The following SUGCT variants were observed in gnomAD, a reference collection of about 807,000 sequenced individuals.
The protein encoded by SUGCT is succinyl-CoA:glutarate-CoA transferase, also known as succinyl-CoA:glutarate CoA-transferase.
SUGCT carries 41 observed loss-of-function variants against 55.0 expected under a neutral mutation model. The ratio of observed to expected loss-of-function variants is 0.74; its 90% CI spans 0.58 to 0.97. The LOEUF is 0.97. Among genes scored for constraint, SUGCT ranks in the 50% least tolerant of loss-of-function variants. The pLI is 0.00. For synonymous variants in SUGCT, 187 were observed against 200.4 expected (o/e 0.93, Z 0.56); for missense variants, 568 against 547.8 (o/e 1.04, Z -0.37).
At chr7:40,333,766 T>TC (rs1357912639) in intron 9 of SUGCT, among the ~76,000 whole-genome samples, 1 of 145,662 alleles carries the variant, frequency 6.9e-6, no homozygotes, top group Admixed American at 6.9e-5. Flanking sequence ...GGCTCTTTTT[T>TC]TTTAAATTTA....
At chr7:40,194,887 C>G (rs1005607282) in intron 5 of SUGCT, 53 bp from the exon 6 acceptor site, 1 of 1,567,280 alleles carries the variant, frequency 6.4e-7, no homozygotes, top group African/African-American at 1.4e-5. Flanking sequence ...AAAATTCTAT[C>G]ATGTGGGGAT....
the SUGCT span, among the ~76,000 whole-genome samples, chr7:40,948,557 C>T: frequency 6.7e-6 from 1 of 148,586 alleles, no homozygotes; most frequent in African/African-American, 2.5e-5. Flanking sequence ...CTGCATCCAT[C>T]AACCCGTCAT....
chr7:40,212,093 T>G (rs780867423), intron 6 of SUGCT, among the ~76,000 whole-genome samples: 11 of 146,322 alleles, frequency 7.5e-5, no homozygotes, highest in Non-Finnish European at 1.5e-4. Flanking sequence ...AGTAATTCTG[T>G]TTTTTTTTTA....
intron 12 of SUGCT, among the ~76,000 whole-genome samples, chr7:40,579,677 A>G (rs1168736018): frequency 6.6e-6 from 1 of 152,162 alleles, no homozygotes; most frequent in African/African-American, 2.4e-5. Context: ...TAGTCAGGAG[A>G]CAGTGTAATG....
In SUGCT at chr7:40,699,842, AGCG is replaced by A. The variant is rs1479419865; in HGVS notation, c.1090-49591_1090-49589del. On this transcript the variant is annotated intron_variant, in intron 12 of 13. Transcript: ENST00000335693. ...CACTACACTCCAGCCTGGGTGACAG[AGCG>A]AGACTCCATCTCAAAAAAATAAAAT... Among the ~76,000 whole-genome samples, 3 of 152,332 alleles carry A rather than the reference AGCG, an allele frequency of 2.0e-5. No individual in the cohort carries two copies. The East Asian group carries it at 5.8e-4, about 29-fold the overall frequency.
chr7:40,305,672 A>AT (rs1333093634), intron 8 of SUGCT, among the ~76,000 whole-genome samples: 2 of 151,180 alleles, frequency 1.3e-5, no homozygotes, highest in East Asian at 1.9e-4. Flanking sequence ...TTTTATTTTT[A>AT]TTTTTTTGTG....
chr7:40,761,579 T>C (rs1345775509), intron 13 of SUGCT, among the ~76,000 whole-genome samples: 3 of 152,196 alleles, frequency 2.0e-5, no homozygotes, highest in Non-Finnish European at 2.9e-5. Flanking sequence ...TTCTTTACTT[T>C]GACATTTCTC....
rs565373473 is a variant in SUGCT at position 40,313,330 on chromosome 7, C to T, written c.721-3430C>T. Among the ~76,000 whole-genome samples, 7 of 152,258 alleles carry T rather than the reference C, an allele frequency of 4.6e-5. No homozygotes were observed. The South Asian group carries it at 1.2e-3, about 27-fold the overall frequency. ...TGCATATACAGTATATAGTTATTAA[C>T]CAAAAAGTCACATCCTGCATTCTTT... On this transcript the variant is annotated intron_variant, in intron 8 of 13. Transcript: ENST00000335693.
intron 9 of SUGCT, among the ~76,000 whole-genome samples, chr7:40,392,514 G>A (rs1376425615): frequency 1.3e-5 from 2 of 151,982 alleles, no homozygotes; most frequent in Non-Finnish European, 2.9e-5. Context: ...TCTTATTATT[G>A]TTACTTGTTA....
In SUGCT at chr7:40,152,856, G is replaced by A. The variant is rs374992032; in HGVS notation, c.100+17736G>A. On this transcript the variant is annotated intron_variant, in intron 1 of 13. Coordinates refer to ENST00000335693, the MANE Select transcript of SUGCT (RefSeq NM_001193313.2). ...GCTGGGACTACAAGCGCCCACCACC[G>A]TGCCCGGCTAATTTTTGTATTTGTG... Among the ~76,000 whole-genome samples the A allele has an allele frequency of 2.0e-4, 31 of 151,844 alleles. No homozygotes were observed. In the South Asian group the frequency reaches 6.0e-3, roughly 30 times the overall value.
At chr7:40,904,719 T>G in the SUGCT span, among the ~76,000 whole-genome samples, 1 of 152,224 alleles carries the variant, frequency 6.6e-6, no homozygotes, top group Non-Finnish European at 1.5e-5. Flanking sequence ...TAAAAATATT[T>G]AGAAGCTGAA....
the SUGCT span, among the ~76,000 whole-genome samples, chr7:40,883,710 C>A: frequency 1.3e-5 from 2 of 152,164 alleles, no homozygotes; most frequent in Admixed American, 1.3e-4. Flanking sequence ...CCAGGATGTA[C>A]TTTACCTGTT....
chr7:40,536,282 A>C (rs1193905347), intron 12 of SUGCT, among the ~76,000 whole-genome samples: 1 of 152,168 alleles, frequency 6.6e-6, no homozygotes, highest in African/African-American at 2.4e-5. Flanking sequence ...TAAGATCTTG[A>C]ACTTGGTGTA....
chr7:40,598,403 A>T (rs1798129259), intron 12 of SUGCT, among the ~76,000 whole-genome samples: 1 of 152,176 alleles, frequency 6.6e-6, no homozygotes, highest in Non-Finnish European at 1.5e-5. Context: ...ACACATACAC[A>T]ATTAATTCAT....
chr7:40,904,910 A>G, the SUGCT span, among the ~76,000 whole-genome samples: 1 of 152,174 alleles, frequency 6.6e-6, no homozygotes, highest in East Asian at 1.9e-4. Flanking sequence ...TTAGTACAAG[A>G]TGTCTAAAAC....
chr7:40,523,088 A>G (rs921947371), intron 12 of SUGCT, among the ~76,000 whole-genome samples: 2 of 152,154 alleles, frequency 1.3e-5, no homozygotes, highest in Non-Finnish European at 2.9e-5. Flanking sequence ...ATTAAGAAAG[A>G]CATGAAGAAA....
the SUGCT span, among the ~76,000 whole-genome samples, chr7:40,988,019 G>A: frequency 6.6e-6 from 1 of 151,812 alleles, no homozygotes; most frequent in Non-Finnish European, 1.5e-5. Context: ...GATCCAGGGA[G>A]TGGAATGAAG....
chr7:40,233,499 G>A (rs950830629), intron 6 of SUGCT, among the ~76,000 whole-genome samples: 2 of 152,002 alleles, frequency 1.3e-5, no homozygotes, highest in South Asian at 2.1e-4. Flanking sequence ...GATTACAGGC[G>A]AGAGCCACGT....
At chr7:40,640,374 A>G (rs1190203156) in intron 12 of SUGCT, among the ~76,000 whole-genome samples, 1 of 152,216 alleles carries the variant, frequency 6.6e-6, no homozygotes, top group Non-Finnish European at 1.5e-5. Context: ...AATAACTGTC[A>G]GAGCCCACCA....
Sources: allele counts gnomAD v4.1 joint callset (sites outside exome capture counted in the v4.1 genomes callset), GRCh38; gene constraint gnomAD v4.1.1; transcripts MANE v1.5; gene names NCBI Gene and HGNC (gene_info 2026-07-23, HGNC 2026-07-21).